ARID2: variants seen among roughly 807,000 people sequenced by gnomAD.
ARID2 encodes the protein AT-rich interactive domain-containing protein 2.
ARID2 carries 32 observed loss-of-function variants against 184.6 expected under a neutral mutation model. The ratio of observed to expected loss-of-function variants is 0.17; its 90% CI spans 0.13 to 0.23. The LOEUF is 0.23. Ranked by LOEUF, ARID2 falls within the 10% of genes least tolerant of loss-of-function variation. The probability of loss-of-function intolerance (pLI) is 1.00; values close to 1 mark genes in which losing one functional copy is unlikely to be tolerated. For synonymous variants in ARID2, 836 were observed against 772.6 expected, an observed-to-expected ratio of 1.08 and a Z score of -1.36; for missense variants, 1,696 against 2,197.6, an observed-to-expected ratio of 0.77 and a Z score of 4.56.
At chr12:45,817,375 A>G (rs1942820920) in intron 4 of ARID2, among the ~76,000 whole-genome samples, 1 of 152,050 alleles carries the variant, frequency 6.6e-6, no homozygotes, top group Non-Finnish European at 1.5e-5. Flanking sequence ...AAGTGCAGCT[A>G]GGTCAATTAA....
intron 16 of ARID2, among the ~76,000 whole-genome samples, chr12:45,886,130 T>A (rs1407187269): frequency 1.3e-5 from 2 of 152,176 alleles, no homozygotes; most frequent in African/African-American, 4.8e-5. Flanking sequence ...AGCAAGTTAG[T>A]TACTTCCTAG....
chr12:45,757,915 G>A (rs1322006067), intron 3 of ARID2, among the ~76,000 whole-genome samples: 1 of 152,096 alleles, frequency 6.6e-6, no homozygotes, highest in African/African-American at 2.4e-5. Context: ...TCAATTATCC[G>A]TTAACTCCAG....
chr12:45,755,346 G>T (rs1171720743), intron 3 of ARID2, among the ~76,000 whole-genome samples: 4 of 152,136 alleles, frequency 2.6e-5, no homozygotes, highest in African/African-American at 9.7e-5. Context: ...AGTAGTGGCA[G>T]GAATGGCAAA....
rs543580024 is a variant in ARID2 at position 45,785,545 on chromosome 12, A to G, written c.285-25873A>G. ...AAGTACAACGCCCCTGGGTTAGTGG[A>G]AAAAAAAACCTTACACAAGTTACTA... On this transcript the variant is annotated intron_variant, in intron 3 of 20. Coordinates refer to ENST00000334344, the MANE Select transcript of ARID2 (RefSeq NM_152641.4). Among the ~76,000 whole-genome samples the G allele has an allele frequency of 2.8e-4, 42 of 151,444 alleles. 1 individual carries two copies. The South Asian group carries it at 8.0e-3, about 29-fold the overall frequency.
chr12:45,825,274 T>C (rs192422682), intron 6 of ARID2, among the ~76,000 whole-genome samples: 18 of 152,248 alleles, frequency 1.2e-4, no homozygotes, highest in Admixed American at 1.1e-3. Flanking sequence ...ATGATAAATA[T>C]ATGAGGTGAT....
intron 6 of ARID2, among the ~76,000 whole-genome samples, chr12:45,831,663 C>A (rs1943125464): frequency 6.6e-6 from 1 of 152,182 alleles, no homozygotes; most frequent in African/African-American, 2.4e-5. Context: ...TACTTTGCCC[C>A]AGCCTCTGGT....
chr12:45,895,357 T>A (rs1017512777), intron 20 of ARID2, among the ~76,000 whole-genome samples: 1 of 152,218 alleles, frequency 6.6e-6, no homozygotes, highest in African/African-American at 2.4e-5. Flanking sequence ...CAGTACATAT[T>A]CCCTAATGCC....
rs150917708 is a variant in ARID2 at position 45,732,239 on chromosome 12, G to T, written c.284+925G>T. On this transcript the variant is annotated intron_variant, in intron 3 of 20. Transcript: ENST00000334344. ...TATTTATTGCTTTTTAATAGTGATA[G>T]TACAGGCCTTTTTTTGTAAGGTGGC... 7.7e-3 allele frequency among the ~76,000 whole-genome samples: 1,176 copies of T among 152,246 alleles called. 19 individuals carry two copies. The highest frequency in any genetic ancestry group is 0.067 in the South Asian group (326 of 4,830).
chr12:45,887,247 A>C (rs1427544105), intron 16 of ARID2, among the ~76,000 whole-genome samples: 1 of 152,170 alleles, frequency 6.6e-6, no homozygotes, highest in Non-Finnish European at 1.5e-5. Flanking sequence ...ATGTAACTGA[A>C]AAATATATAT....
intron 20 of ARID2, 197 bp downstream of exon 20, chr12:45,893,918 A>G (rs1312009596): frequency 9.4e-6 from 4 of 425,434 alleles, no homozygotes; most frequent in Admixed American, 4.2e-5. Context: ...AACAACCAAA[A>G]GGTGGTCTCT....
chr12:45,839,025 A>AT (rs996463434), intron 10 of ARID2, among the ~76,000 whole-genome samples: 214 of 144,382 alleles, frequency 1.5e-3, no homozygotes, highest in Middle Eastern at 0.011. Flanking sequence ...TGCCCGGCTA[A>AT]TTTTTTTTTT....
rs1235165658 is a variant in ARID2 at position 45,829,805 on chromosome 12, T to TC, written c.706-6784_706-6783insC. On this transcript the variant is annotated intron_variant, in intron 6 of 20. Coordinates refer to ENST00000334344, the MANE Select transcript of ARID2 (RefSeq NM_152641.4). ...TTCTAGGTTATCTTTCTTCTTCTTT[T>TC]TTTTTTTTTTTTAATCAATTTCTGA... is the stretch of plus-strand genomic sequence containing the variant. Among the ~76,000 whole-genome samples, 532 of 149,592 alleles carry TC rather than the reference T, an allele frequency of 3.6e-3. 4 individuals carry two copies. The highest frequency in any genetic ancestry group is 6.2e-3 in the Non-Finnish European group (419 of 67,176).
intron 6 of ARID2, among the ~76,000 whole-genome samples, chr12:45,833,444 C>G (rs1037522149): frequency 3.3e-5 from 5 of 152,060 alleles, no homozygotes; most frequent in African/African-American, 9.7e-5. Flanking sequence ...TGTTATTTCA[C>G]TATCTTATTT....
At chr12:45,740,057 T>G (rs1050326463) in intron 3 of ARID2, among the ~76,000 whole-genome samples, 6 of 152,210 alleles carry the variant, frequency 3.9e-5, no homozygotes, top group Admixed American at 6.5e-5. Flanking sequence ...CCTCCCAGTG[T>G]GCTTGCAAAT....
intron 3 of ARID2, among the ~76,000 whole-genome samples, chr12:45,809,981 C>T (rs1942674266): frequency 6.6e-6 from 1 of 152,110 alleles, no homozygotes; most frequent in Non-Finnish European, 1.5e-5. Context: ...CCTCCCTTAC[C>T]TCAGCTGTCT....
intron 20 of ARID2, among the ~76,000 whole-genome samples, chr12:45,897,748 A>G (rs1222790344): frequency 2.0e-5 from 3 of 152,220 alleles, no homozygotes; most frequent in South Asian, 2.1e-4. Context: ...TGTGGCATGT[A>G]CATGCAATGG....
chr12:45,894,489 AC>A (rs1335371155), intron 20 of ARID2, among the ~76,000 whole-genome samples: 2 of 152,146 alleles, frequency 1.3e-5, no homozygotes, highest in Non-Finnish European at 2.9e-5. Context: ...ACCTTGTCTT[AC>A]GTCTTTTATG....
chr12:45,864,534 A>C (rs11183223), intron 16 of ARID2, among the ~76,000 whole-genome samples: 43,274 of 151,048 alleles, frequency 0.29, 6,423 homozygotes, highest in East Asian at 0.33. Flanking sequence ...AAAAAAAAAA[A>C]CAGGTTAATT....
At chr12:45,740,973 C>T (rs1941242548) in intron 3 of ARID2, among the ~76,000 whole-genome samples, 1 of 152,170 alleles carries the variant, frequency 6.6e-6, no homozygotes, top group Admixed American at 6.6e-5. Context: ...TTACCATTTT[C>T]TCTTTTTGAA....
Sources: gnomAD v4.1 joint callset for allele counts (sites outside exome capture counted in the v4.1 genomes callset) on GRCh38, gnomAD v4.1.1 for gene constraint, MANE v1.5 for transcripts, NCBI Gene and HGNC (gene_info 2026-07-23, HGNC 2026-07-21) for gene names.